The following ANKRD12 variants were observed in gnomAD, a reference collection of about 807,000 sequenced individuals.
The protein encoded by ANKRD12 is ankyrin repeat domain-containing protein 12.
ANKRD12 carries 85 observed loss-of-function variants against 183.4 expected under a neutral mutation model. The observed-to-expected ratio is 0.46, with a 90% confidence interval of 0.39 to 0.56. The LOEUF (loss-of-function observed/expected upper bound fraction) is 0.56. Among genes scored for constraint, ANKRD12 ranks in the 20% least tolerant of loss-of-function variants. ANKRD12 has a pLI of 0.00. For synonymous variants in ANKRD12, 914 were observed against 800.2 expected (o/e 1.14, Z -2.40); for missense variants, 2,405 against 2,357.1 (o/e 1.02, Z -0.42).
At chr18:9,169,776 G>C (rs1185845703) in intron 1 of ANKRD12, among the ~76,000 whole-genome samples, 2 of 152,142 alleles carry the variant, frequency 1.3e-5, no homozygotes, top group East Asian at 1.9e-4. Context: ...TGGTTATTTT[G>C]CTCGTTAGTT....
chr18:9,139,529 G>C (rs949010014), intron 1 of ANKRD12, among the ~76,000 whole-genome samples: 3 of 152,108 alleles, frequency 2.0e-5, no homozygotes, highest in African/African-American at 7.2e-5. Flanking sequence ...TACGTTTTAG[G>C]AGCATTATTT....
rs1398336509 is a variant in ANKRD12, at chr18:9,255,795, A to C, written c.2528A>C (p.Lys843Thr). Reference sequence around the variant, plus strand: ...AAGATGGAAAGAAAAACCTTTGAAAAAGAAAAGAAGATAAAACATGAGCAT... The same window carrying C: ...AAGATGGAAAGAAAAACCTTTGAAACAGAAAAGAAGATAAAACATGAGCAT... ...IEKMERKTFE[K>T]EKKIKHEHKS... The change falls in exon 9 of 13, where the codon AAA (lysine) becomes ACA (threonine). Residue 843 changes from lysine (K) to threonine (T), a missense_variant. This residue lies in a region of ANKRD12 where 1,983 missense variants were observed against 1,725.9 expected (regional missense o/e 1.15). Transcript: ENST00000262126. The C allele has an allele frequency of 6.3e-7, 1 of 1,575,500 alleles. No homozygotes were observed. The highest frequency in any genetic ancestry group is 8.5e-7 in the Non-Finnish European group (1 of 1,169,962).
In ANKRD12 at chr18:9,285,881, GAGT is replaced by G. The variant is rs1359566404; in HGVS notation, c.*4762_*4764del. The G allele has an allele frequency of 6.6e-6, 1 of 152,138 alleles. No individual in the cohort carries two copies. Among genetic ancestry groups the G allele is most frequent in the Non-Finnish European group, 1.5e-5 (1 of 68,008 alleles). The allele number at this position is 152,138 out of a possible 1,614,324, so 9.4% of individuals were successfully genotyped here. A position where few individuals can be genotyped will look rare whatever the true frequency, so the allele number is the denominator to read the frequency against. ...CAGTAATGAGTCGTAATTTATTAAT[GAGT>G]AGTAGTGTATTGTACAAATTTGTTT... On this transcript the variant is annotated 3_prime_UTR_variant, in exon 13 of 13. Transcript: ENST00000262126.
chr18:9,251,221 G>A lies in ANKRD12; in HGVS notation c.944-2990G>A, dbSNP rs536305535. The stretch of plus-strand genomic sequence containing the variant: ...TTATTTTTTAAGAGATTTTGAGGGA[G>A]GGATTTCCACTATATACTGTTATCT... On this transcript the variant is annotated intron_variant, in intron 8 of 12. Coordinates refer to ENST00000262126, the MANE Select transcript of ANKRD12 (RefSeq NM_015208.5). Among the ~76,000 whole-genome samples, 17 of 152,216 alleles carry A rather than the reference G, an allele frequency of 1.1e-4. No individual in the cohort carries two copies. In the East Asian group the frequency reaches 3.3e-3, roughly 29 times the overall value.
Position 9,255,086 on chromosome 18 carries a change from A to G in ANKRD12, c.1819A>G (p.Lys607Glu). 6.3e-7 allele frequency: 1 copy of G among 1,579,620 alleles called. No homozygotes were observed. The highest frequency in any genetic ancestry group is 8.6e-7 in the Non-Finnish European group (1 of 1,169,294). ...VKSCKHKEKS[K>E]HQKDFHLEFG... The stretch of plus-strand genomic sequence containing the variant: ...ATCTTGTAAGCATAAGGAAAAAAGC[A>G]AACATCAGAAAGATTTCCACTTAGA... Residue 607 changes from lysine to glutamate, a missense_variant, in exon 9 of 13, where the codon AAA becomes GAA. Coordinates refer to ENST00000262126, the MANE Select transcript of ANKRD12 (RefSeq NM_015208.5).
chr18:9,142,847 G>T (rs1447898397), intron 1 of ANKRD12, among the ~76,000 whole-genome samples: 7 of 151,594 alleles, frequency 4.6e-5, no homozygotes, highest in African/African-American at 1.7e-4. Context: ...TTGAGCCACT[G>T]CACTCCAGCC....
At chr18:9,197,584 T>G (rs1226522444) in intron 3 of ANKRD12, among the ~76,000 whole-genome samples, 5 of 152,262 alleles carry the variant, frequency 3.3e-5, no homozygotes, top group South Asian at 4.1e-4. Flanking sequence ...TTTTGTGTGT[T>G]ACGTTATTTT....
At chr18:9,184,681 A>G (rs1242185345) in intron 2 of ANKRD12, among the ~76,000 whole-genome samples, 5 of 152,054 alleles carry the variant, frequency 3.3e-5, no homozygotes, top group Non-Finnish European at 7.3e-5. Flanking sequence ...CGATGTTGCC[A>G]TTTTTAATAA....
At chr18:9,184,744 AGTT>A (rs2144224312) in intron 2 of ANKRD12, among the ~76,000 whole-genome samples, 1 of 152,328 alleles carries the variant, frequency 6.6e-6, no homozygotes, top group South Asian at 2.1e-4. Flanking sequence ...TATACAATTC[AGTT>A]GTTTTTATAT....
rs1224613987 is a variant in ANKRD12, at chr18:9,249,259, C to A, written c.944-4952C>A. Among the ~76,000 whole-genome samples, 3 of 152,160 alleles carry A rather than the reference C, an allele frequency of 2.0e-5. No individual in the cohort carries two copies. The East Asian group carries it at 5.8e-4, about 29-fold the overall frequency. The stretch of plus-strand genomic sequence containing the variant: ...AATGGGTCTTCTTTTCCCTCAGTAA[C>A]CACACTCTCACCCCTCTCATCCTTC... On this transcript the variant is annotated intron_variant, in intron 8 of 12. Transcript: ENST00000262126.
chr18:9,148,581 G>A (rs2078571571), intron 1 of ANKRD12, among the ~76,000 whole-genome samples: 1 of 152,068 alleles, frequency 6.6e-6, no homozygotes, highest in African/African-American at 2.4e-5. Context: ...AATGCTAATT[G>A]CTTAAATTAT....
intron 1 of ANKRD12, among the ~76,000 whole-genome samples, chr18:9,145,523 G>A (rs2078464580): frequency 6.6e-6 from 1 of 152,200 alleles, no homozygotes; most frequent in African/African-American, 2.4e-5. Context: ...AGTTGCTGTG[G>A]AAAGGAACAT....
At chr18:9,222,106 G>T (rs1220598539) in intron 8 of ANKRD12, 107 bp downstream of exon 8, 6 of 1,344,986 alleles carry the variant, frequency 4.5e-6, no homozygotes, top group Non-Finnish European at 6.1e-6. Context: ...TTAGAATAAT[G>T]CTGGCTAGCT....
At chr18:9,243,894 G>T (rs975784033) in intron 8 of ANKRD12, among the ~76,000 whole-genome samples, 13 of 152,200 alleles carry the variant, frequency 8.5e-5, no homozygotes, top group Admixed American at 6.5e-4. Context: ...CAGCACTTTG[G>T]GGAGGCTGAG....
chr18:9,259,685 T>C (rs2145249656), intron 9 of ANKRD12: 1 of 152,310 alleles, frequency 6.6e-6, no homozygotes, highest in East Asian at 1.9e-4. Flanking sequence ...TTTTTATTTT[T>C]TAATGAGAAT....
At chr18:9,227,333 A>G (rs773261918) in intron 8 of ANKRD12, among the ~76,000 whole-genome samples, 1 of 152,206 alleles carries the variant, frequency 6.6e-6, no homozygotes, top group Non-Finnish European at 1.5e-5. Flanking sequence ...AAATTATACA[A>G]ATAACTAAAA....
In ANKRD12 at chr18:9,143,070, A is replaced by G. The variant is rs191994764; in HGVS notation, c.-52+6105A>G. 2.5e-3 allele frequency among the ~76,000 whole-genome samples: 384 copies of G among 152,344 alleles called. 1 individual carries two copies. Among genetic ancestry groups the G allele is most frequent in the Non-Finnish European group, 4.4e-3 (300 of 68,022 alleles). On this transcript the variant is annotated intron_variant, in intron 1 of 12. Coordinates refer to ENST00000262126, the MANE Select transcript of ANKRD12 (RefSeq NM_015208.5). ...TGAGTTAAAATAAATCCTTTCTACC[A>G]GAGTTTAATTCTCACTACTTGGAAG...
chr18:9,211,995 C>G (rs1021783812), intron 6 of ANKRD12, among the ~76,000 whole-genome samples: 1 of 152,048 alleles, frequency 6.6e-6, no homozygotes, highest in Non-Finnish European at 1.5e-5. Flanking sequence ...ATATACTAAA[C>G]TTATACTTTA....
chr18:9,246,275 A>C (rs2037957694), intron 8 of ANKRD12, among the ~76,000 whole-genome samples: 1 of 152,180 alleles, frequency 6.6e-6, no homozygotes, highest in Non-Finnish European at 1.5e-5. Flanking sequence ...TTCCCTTCTA[A>C]GGAGTGCTAG....
Sources: allele counts gnomAD v4.1 joint callset (sites outside exome capture counted in the v4.1 genomes callset), GRCh38; gene constraint gnomAD v4.1.1; regional missense constraint gnomAD v4.1.1; transcripts MANE v1.5; gene names NCBI Gene and HGNC (gene_info 2026-07-23, HGNC 2026-07-21).